Variants in CACNA1S observed in about 807,000 individuals in gnomAD.
The protein encoded by CACNA1S is calcium voltage-gated channel subunit alpha1 S, also known as voltage-dependent L-type calcium channel subunit alpha-1S.
Under a neutral mutation model 207.4 loss-of-function variants are expected in CACNA1S, and 126 were observed. The ratio of observed to expected loss-of-function variants is 0.61; its 90% CI spans 0.53 to 0.70. The LOEUF (loss-of-function observed/expected upper bound fraction) is 0.70. Ranked by LOEUF, CACNA1S falls within the 30% of genes least tolerant of loss-of-function variation. The pLI is 0.00. For synonymous variants in CACNA1S, 960 were observed against 932.7 expected (o/e 1.03, Z -0.53); for missense variants, 2,349 against 2,422.8 (o/e 0.97, Z 0.64).
chr1:201,044,419 T>A lies in CACNA1S; in HGVS notation c.4706A>T (p.Glu1569Val), dbSNP rs1326790574. The A allele has an allele frequency of 6.2e-7, 1 of 1,613,480 alleles. No individual in the cohort carries two copies. The highest frequency in any genetic ancestry group is 2.2e-5 in the East Asian group (1 of 44,866). Residue 1569 changes from glutamate (E) to valine (V), a missense_variant, in exon 39 of 44, where the codon GAG (glutamate) becomes GTG (valine). Transcript: ENST00000362061. ...LRTIEEEAAP[E>V]ICRTVSGDLA... is the part of the protein sequence containing the mutation. ...GTCTCCTGAGACCGTGCGACAGATC[T>A]CGGGGGCTGCCTCTTCCTCAATGGT...
chr1:201,089,019 G>A (rs1054417422), intron 6 of CACNA1S, among the ~76,000 whole-genome samples: 2 of 152,190 alleles, frequency 1.3e-5, no homozygotes, highest in Non-Finnish European at 2.9e-5. Flanking sequence ...CCCGCCCCTT[G>A]GATCCTGCAC....
At chr1:201,043,166 G>T in intron 40 of CACNA1S, 115 bp downstream of exon 40, 1 of 1,386,478 alleles carries the variant, frequency 7.2e-7, no homozygotes, top group Non-Finnish European at 1.0e-6. Flanking sequence ...GGGGCACAAA[G>T]GCAAGCAAAA....
chr1:201,069,129 T>G lies in CACNA1S; in HGVS notation c.2550+8A>C. On this transcript the variant is annotated splice_region_variant and intron_variant, in intron 19 of 43. Transcript: ENST00000362061. The stretch of plus-strand genomic sequence containing the variant: ...CCTCCCCAGGGCTGCCCCACAGCCT[T>G]CACTCACCTTGAGGACAATCTCCAC... 5 of 1,613,514 alleles carry G rather than the reference T, an allele frequency of 3.1e-6. No homozygotes were observed. Among genetic ancestry groups the G allele is most frequent in the Non-Finnish European group, 4.2e-6 (5 of 1,179,466 alleles).
intron 2 of CACNA1S, among the ~76,000 whole-genome samples, chr1:201,107,664 C>A (rs559315803): frequency 6.6e-6 from 1 of 152,212 alleles, no homozygotes. Context: ...CCCTTCTCTG[C>A]TACCTACAAA....
chr1:201,060,962 C>G (rs1661025772), intron 25 of CACNA1S, 146 bp from the exon 26 acceptor site: 2 of 1,036,824 alleles, frequency 1.9e-6, no homozygotes, highest in African/African-American at 1.6e-5. Flanking sequence ...GGGGAATAAT[C>G]CTGTTGGGCT....
Position 201,040,257 on chromosome 1 carries a change from G to C in CACNA1S, c.5344C>G (p.Pro1782Ala), listed in dbSNP as rs759514392. ...TTTTGGATCAGCAGGGCTGTAGCTGGTGCTGAGCACCTGGAAGTATTCTCC... is the reference window on the plus strand; with the variant it reads ...TTTTGGATCAGCAGGGCTGTAGCTGCTGCTGAGCACCTGGAAGTATTCTCC... ...TRENTSRCSA[P>A]ATALLIQKAL... Residue 1782 changes from proline to alanine, a missense_variant, in exon 43 of 44, where the codon CCA becomes GCA. Transcript: ENST00000362061. The C allele has an allele frequency of 3.2e-5, 52 of 1,613,656 alleles. No individual in the cohort carries two copies. Among genetic ancestry groups the C allele is most frequent in the Non-Finnish European group, 4.3e-5 (51 of 1,180,014 alleles).
At chr1:201,060,013 C>G (rs1421502207) in intron 26 of CACNA1S, among the ~76,000 whole-genome samples, 3 of 152,236 alleles carry the variant, frequency 2.0e-5, no homozygotes, top group Non-Finnish European at 4.4e-5. Context: ...CTGCCTGACT[C>G]AGCCCCAAAC....
At chr1:201,043,131 C>T in intron 40 of CACNA1S, 150 bp downstream of exon 40, 1 of 1,030,336 alleles carries the variant, frequency 9.7e-7, no homozygotes. Flanking sequence ...AGGTCGGCCT[C>T]TTACATTAAG....
rs1207840976 is a variant in CACNA1S, at chr1:201,081,143, C to A, written c.1393+2019G>T. On this transcript the variant is annotated intron_variant, in intron 10 of 43. Coordinates refer to ENST00000362061, the MANE Select transcript of CACNA1S (RefSeq NM_000069.3). ...CTGGCTCTATGTAGGTATGACAGTGCCAGTTCCCACCTCATGCAGGTCCAG... is the reference window on the plus strand; with the variant it reads ...CTGGCTCTATGTAGGTATGACAGTGACAGTTCCCACCTCATGCAGGTCCAG... Among the ~76,000 whole-genome samples the A allele has an allele frequency of 2.0e-5, 3 of 152,154 alleles. No homozygotes were observed. The East Asian group carries it at 5.8e-4, about 29-fold the overall frequency.
At chr1:201,072,681 G>T in intron 16 of CACNA1S, 74 bp downstream of exon 16, 1 of 1,078,288 alleles carries the variant, frequency 9.3e-7, no homozygotes, top group South Asian at 1.2e-5. Context: ...GACTGCCCAT[G>T]GGGAGAATTC....
intron 19 of CACNA1S, among the ~76,000 whole-genome samples, chr1:201,067,653 G>T (rs1042842687): frequency 6.6e-6 from 1 of 152,120 alleles, no homozygotes; most frequent in Non-Finnish European, 1.5e-5. Flanking sequence ...GCCCAAAGGG[G>T]CCACTTTATC....
intron 2 of CACNA1S, among the ~76,000 whole-genome samples, chr1:201,097,943 A>T (rs1320678348): frequency 6.6e-6 from 1 of 151,908 alleles, no homozygotes; most frequent in Non-Finnish European, 1.5e-5. Flanking sequence ...AGATATCCTC[A>T]TGACTCACTT....
chr1:201,051,105 G>A lies in CACNA1S; in HGVS notation c.3992C>T (p.Ala1331Val), dbSNP rs1207041561. The change falls in exon 33 of 44, where the codon GCC (alanine) becomes GTC (valine). Residue 1331 changes from alanine (A) to valine (V), a missense_variant. Transcript: ENST00000362061. ...GTCACACAGCTTCCCATAGCTGCAG[G>A]CCAGTAGGATCTCCTGCCAGGCCTC... ...TGEAWQEILLACSYGKLCDPE... is the reference protein window; with the variant it reads ...TGEAWQEILLVCSYGKLCDPE... 9.3e-6 allele frequency: 15 copies of A among 1,614,110 alleles called. No individual in the cohort carries two copies. The highest frequency in any genetic ancestry group is 2.2e-5 in the East Asian group (1 of 44,902).
At chr1:201,096,990 C>T (rs1253097183) in intron 2 of CACNA1S, among the ~76,000 whole-genome samples, 1 of 152,158 alleles carries the variant, frequency 6.6e-6, no homozygotes, top group Non-Finnish European at 1.5e-5. Flanking sequence ...TAAACCTGCT[C>T]TTTTTCATGT....
At position 201,043,055 on chromosome 1, in the gene CACNA1S, A is replaced by G. The variant is rs1171742719; in HGVS notation, c.5048+226T>C. 9.2e-6 allele frequency: 5 copies of G among 546,230 alleles called. No individual in the cohort carries two copies. In the East Asian group the frequency reaches 1.7e-4, roughly 18 times the overall value. 33.8% of individuals were successfully genotyped at this position (546,230 alleles called of 1,614,324 possible). On this transcript the variant is annotated intron_variant, in intron 40 of 43. Transcript: ENST00000362061. ...GCCGACGGAATAAAAGAACCTCTCA[A>G]CACTGGGGCCAATACTGACATGATG...
At position 201,065,970 on chromosome 1, in the gene CACNA1S, A is replaced by G. The variant is rs4564170; in HGVS notation, c.2746-25T>C. On this transcript the variant is annotated intron_variant, in intron 21 of 43. Coordinates refer to ENST00000362061, the MANE Select transcript of CACNA1S (RefSeq NM_000069.3). ...GCTGGGGACAGAGGGGCCAATGGGG[A>G]CTGGGGGTGCACCCACAGTAACCCT... The G allele has an allele frequency of 9.5e-3, 14,431 of 1,512,500 alleles. 619 individuals are homozygous for G. The African/African-American group carries it at 0.12, about 13-fold the overall frequency. The allele number at this position is 1,512,500 out of a possible 1,614,324, so 93.7% of individuals were successfully genotyped here.
intron 24 of CACNA1S, 28 bp from the exon 25 acceptor site, chr1:201,061,496 G>A (rs1235963585): frequency 6.2e-7 from 1 of 1,603,560 alleles, no homozygotes; most frequent in East Asian, 2.2e-5. Context: ...AGAGAGGACA[G>A]ACTGGGTGGG....
Position 201,083,236 on chromosome 1 carries a change from A to T in CACNA1S, c.1319T>A (p.Leu440His), listed in dbSNP as rs1188903380. 1.1e-5 allele frequency: 17 copies of T among 1,614,102 alleles called. No individual in the cohort carries two copies. Among genetic ancestry groups the T allele is most frequent in the Non-Finnish European group, 1.4e-5 (17 of 1,180,050 alleles). ...KSKVFYWLVI[L>H]IVALNTLSIA... ...AGACAGGGTGTTGAGGGCAACGATGAGAATCACCAGCCAATAGAAGACCTT... is the reference window on the plus strand; with the variant it reads ...AGACAGGGTGTTGAGGGCAACGATGTGAATCACCAGCCAATAGAAGACCTT... The change falls in exon 10 of 44, where the codon CTC becomes CAC. Residue 440 changes from leucine (L) to histidine (H), a missense_variant. Transcript: ENST00000362061.
chr1:201,071,673 C>T (rs770535083), intron 16 of CACNA1S, among the ~76,000 whole-genome samples: 2 of 152,208 alleles, frequency 1.3e-5, no homozygotes, highest in Non-Finnish European at 2.9e-5. Flanking sequence ...TGTCCCTGAC[C>T]TCAGATTTCC....
Sources: gnomAD v4.1 joint callset for allele counts (sites outside exome capture counted in the v4.1 genomes callset) on GRCh38, gnomAD v4.1.1 for gene constraint, MANE v1.5 for transcripts, NCBI Gene and HGNC (gene_info 2026-07-23, HGNC 2026-07-21) for gene names.